FAAH2: variants seen among roughly 807,000 people sequenced by gnomAD.
FAAH2 encodes the protein fatty-acid amide hydrolase 2.
Under a neutral mutation model 36.9 loss-of-function variants are expected in FAAH2, and 60 were observed. The observed-to-expected ratio is 1.63, with a 90% confidence interval of 1.32 to 2.02. The LOEUF (loss-of-function observed/expected upper bound fraction) is 2.02, where lower values mean the gene tolerates loss of function less well. Among genes scored for constraint, FAAH2 ranks in the 30% most tolerant of loss-of-function variants. The probability of loss-of-function intolerance (pLI) is 0.00; values close to 1 mark genes in which losing one functional copy is unlikely to be tolerated. For synonymous variants in FAAH2, 214 were observed against 143.8 expected, an observed-to-expected ratio of 1.49 and a Z score of -3.49; for missense variants, 689 against 397.5, an observed-to-expected ratio of 1.73 and a Z score of -6.23.
intron 5 of FAAH2, among the ~76,000 whole-genome samples, chrX:57,350,102 G>T (rs752159815): frequency 6.3e-5 from 7 of 111,023 alleles, no homozygotes; most frequent in African/African-American, 2.3e-4. Flanking sequence ...TGGATGATAT[G>T]TTCAAAGTGT....
At chrX:57,394,903 C>A in intron 7 of FAAH2, 3 of 755,891 alleles carry the variant, frequency 4.0e-6, no homozygotes, top group Non-Finnish European at 6.2e-6. Context: ...TTTTACTGCA[C>A]CCAACCACCA....
chrX:57,271,063 G>A, the FAAH2 span, among the ~76,000 whole-genome samples: 1 of 112,557 alleles, frequency 8.9e-6, no homozygotes, highest in Non-Finnish European at 1.9e-5. Context: ...TGGAGCCCAG[G>A]AAACTAAAAT....
chrX:57,300,463 A>G (rs1389898992), intron 2 of FAAH2, among the ~76,000 whole-genome samples: 1 of 112,227 alleles, frequency 8.9e-6, no homozygotes, highest in South Asian at 3.7e-4. Flanking sequence ...TTAATTCAAG[A>G]TGGATTAAAG....
chrX:57,128,486 T>A, the FAAH2 span, among the ~76,000 whole-genome samples: 2 of 111,510 alleles, frequency 1.8e-5, no homozygotes, highest in Non-Finnish European at 3.8e-5. Flanking sequence ...CCCTTAAAAA[T>A]TAGCTAGAAA....
the FAAH2 span, among the ~76,000 whole-genome samples, chrX:57,209,689 T>A: frequency 1.8e-4 from 20 of 111,578 alleles, no homozygotes; most frequent in African/African-American, 5.2e-4. Flanking sequence ...CATGGCTGTT[T>A]TCTCAGTAGG....
the FAAH2 span, among the ~76,000 whole-genome samples, chrX:57,166,663 C>CTTATAAGTGCT: frequency 3.6e-5 from 4 of 112,373 alleles, no homozygotes; most frequent in African/African-American, 6.5e-5. Context: ...TAGCATTTCA[C>CTTATAAGTGCT]TTATAAAGCA....
At chrX:57,180,116 G>A in the FAAH2 span, among the ~76,000 whole-genome samples, 1 of 111,900 alleles carries the variant, frequency 8.9e-6, no homozygotes, top group Non-Finnish European at 1.9e-5. Flanking sequence ...AACTAAGGCA[G>A]TGTTAAGCAG....
the FAAH2 span, among the ~76,000 whole-genome samples, chrX:57,147,854 A>G: frequency 1.3e-4 from 14 of 111,438 alleles, no homozygotes; most frequent in East Asian, 3.9e-3. Flanking sequence ...ATTTCCATGT[A>G]TTTTCATGGT....
intron 2 of FAAH2, among the ~76,000 whole-genome samples, chrX:57,303,735 T>C (rs772464649): frequency 2.7e-5 from 3 of 111,860 alleles, no homozygotes; most frequent in African/African-American, 9.7e-5. Flanking sequence ...AGAGGCCAGA[T>C]TGCAACATTC....
chrX:57,392,476 G>A, intron 7 of FAAH2, among the ~76,000 whole-genome samples: 1 of 111,731 alleles, frequency 9.0e-6, no homozygotes, highest in Admixed American at 9.5e-5. Context: ...TATACACGAT[G>A]AGAATTAAGG....
the FAAH2 span, among the ~76,000 whole-genome samples, chrX:57,142,776 C>A: frequency 9.0e-6 from 1 of 111,556 alleles, no homozygotes; most frequent in Non-Finnish European, 1.9e-5. Context: ...TTAAATATAT[C>A]TCTGTGCACT....
intron 5 of FAAH2, among the ~76,000 whole-genome samples, chrX:57,357,292 A>G (rs1336906227): frequency 4.5e-5 from 5 of 111,515 alleles, no homozygotes; most frequent in African/African-American, 9.7e-5. Context: ...TTCATGACTA[A>G]CACACCAAAA....
chrX:57,392,629 G>A, intron 7 of FAAH2: 2 of 737,012 alleles, frequency 2.7e-6, no homozygotes, highest in Non-Finnish European at 2.1e-6. Flanking sequence ...TCTTGAAGAT[G>A]GATGATGATC....
chrX:57,140,114 C>A, the FAAH2 span, among the ~76,000 whole-genome samples: 1 of 111,068 alleles, frequency 9.0e-6, no homozygotes, highest in Non-Finnish European at 1.9e-5. Flanking sequence ...ATTTTGTAGT[C>A]ATTGTAAAAG....
At chrX:57,200,379 C>A in the FAAH2 span, among the ~76,000 whole-genome samples, 1 of 82,530 alleles carries the variant, frequency 1.2e-5, no homozygotes, top group Non-Finnish European at 2.2e-5. Flanking sequence ...CATACTTTCA[C>A]TTTTTTTTTT....
At chrX:57,257,416 C>A in the FAAH2 span, among the ~76,000 whole-genome samples, 1 of 110,856 alleles carries the variant, frequency 9.0e-6, no homozygotes. Flanking sequence ...AGCTGGAAAC[C>A]ATCATTCTCA....
At chrX:57,283,960 C>A (rs1260466213), upstream of FAAH2, among the ~76,000 whole-genome samples, 1 of 111,849 alleles carries the variant, frequency 8.9e-6, no homozygotes, top group Admixed American at 9.5e-5. Flanking sequence ...TGGGGACACA[C>A]GTGAAAACAG....
intron 3 of FAAH2, among the ~76,000 whole-genome samples, chrX:57,323,062 C>A (rs920723843): frequency 3.6e-5 from 4 of 110,898 alleles, no homozygotes; most frequent in African/African-American, 1.3e-4. Context: ...CAATTCCCAC[C>A]TATGAGTAAG....
chrX:57,401,844 G>C (rs1311090471), intron 7 of FAAH2, among the ~76,000 whole-genome samples: 1 of 111,343 alleles, frequency 9.0e-6, no homozygotes, highest in South Asian at 3.8e-4. Flanking sequence ...GTGTATAGTG[G>C]CCCCTGCTTT....
Sources: allele counts gnomAD v4.1 joint callset (sites outside exome capture counted in the v4.1 genomes callset), GRCh38; gene constraint gnomAD v4.1.1; transcripts MANE v1.5; gene names NCBI Gene and HGNC (gene_info 2026-07-23, HGNC 2026-07-21).